The following PPP1R9A variants were observed in gnomAD, a reference collection of about 807,000 sequenced individuals.
PPP1R9A encodes neurabin-1.
PPP1R9A carries 59 observed loss-of-function variants against 141.9 expected under a neutral mutation model. The observed-to-expected ratio is 0.42, with a 90% CI of 0.34 to 0.52. The LOEUF (loss-of-function observed/expected upper bound fraction) is 0.52, where lower values mean the gene tolerates loss of function less well. Ranked by LOEUF, PPP1R9A falls within the 20% of genes least tolerant of loss-of-function variation. The pLI, the probability that PPP1R9A is intolerant of heterozygous loss-of-function variation, is 0.10. For synonymous variants in PPP1R9A, 500 were observed against 569.7 expected (o/e 0.88, Z 1.74); for missense variants, 1,444 against 1,611.9 (o/e 0.90, Z 1.78).
At chr7:94,990,020 C>A (rs919843790) in intron 2 of PPP1R9A, among the ~76,000 whole-genome samples, 3 of 151,906 alleles carry the variant, frequency 2.0e-5, no homozygotes, top group African/African-American at 7.3e-5. Context: ...AGTTGAAGAG[C>A]TTTTAATAGG....
intron 7 of PPP1R9A, among the ~76,000 whole-genome samples, chr7:95,214,847 A>G (rs925410457): frequency 2.0e-5 from 3 of 152,326 alleles, no homozygotes; most frequent in Non-Finnish European, 4.4e-5. Context: ...CAATGACCTG[A>G]CAAGGTGAGA....
intron 5 of PPP1R9A, among the ~76,000 whole-genome samples, chr7:95,181,779 T>C (rs1349171906): frequency 7.3e-6 from 1 of 137,432 alleles, no homozygotes; most frequent in Admixed American, 7.7e-5. Context: ...ATATATTCCG[T>C]CACATATATA....
At chr7:95,177,059 A>G (rs1585091357) in intron 5 of PPP1R9A, among the ~76,000 whole-genome samples, 1 of 152,156 alleles carries the variant, frequency 6.6e-6, no homozygotes, top group South Asian at 2.1e-4. Flanking sequence ...ACCCAGGCGC[A>G]TTGTCATCAG....
chr7:95,140,948 G>T (rs2152567241), intron 4 of PPP1R9A, among the ~76,000 whole-genome samples: 1 of 152,234 alleles, frequency 6.6e-6, no homozygotes, highest in South Asian at 2.1e-4. Flanking sequence ...TCGAACTCCT[G>T]GGCTTAAGCA....
At chr7:95,050,275 A>T (rs1396082637) in intron 2 of PPP1R9A, among the ~76,000 whole-genome samples, 1 of 152,208 alleles carries the variant, frequency 6.6e-6, no homozygotes, top group Non-Finnish European at 1.5e-5. Flanking sequence ...TACCATGTGT[A>T]TATCTTCATT....
intron 2 of PPP1R9A, among the ~76,000 whole-genome samples, chr7:95,031,743 G>C (rs970599351): frequency 6.7e-6 from 1 of 148,914 alleles, no homozygotes; most frequent in Non-Finnish European, 1.5e-5. Flanking sequence ...GCAAGAGAGT[G>C]AGATTTGGTG....
chr7:95,134,925 A>T (rs907686565), intron 4 of PPP1R9A, among the ~76,000 whole-genome samples: 27 of 152,242 alleles, frequency 1.8e-4, no homozygotes, highest in African/African-American at 5.8e-4. Context: ...TACTTTTTTT[A>T]AAAAACAGTA....
In PPP1R9A at chr7:95,203,063, C is replaced by G. The variant is rs189095484; in HGVS notation, c.1891-602C>G. ...TAATCATCACTCCAGAAACTGAAGCCCCTTCTATACTGAAGCCCCTAAAAT... is the reference window on the plus strand; with the variant it reads ...TAATCATCACTCCAGAAACTGAAGCGCCTTCTATACTGAAGCCCCTAAAAT... On this transcript the variant is annotated intron_variant, in intron 6 of 19. Coordinates refer to ENST00000433360, the MANE Select transcript of PPP1R9A (RefSeq NM_001166160.2). 8.1e-4 allele frequency among the ~76,000 whole-genome samples: 123 copies of G among 152,048 alleles called. 2 individuals are homozygous for G. The highest frequency in any genetic ancestry group is 6.8e-3 in the Middle Eastern group (2 of 292).
At chr7:95,120,487 C>CA (rs1822368849) in intron 3 of PPP1R9A, among the ~76,000 whole-genome samples, 1 of 152,162 alleles carries the variant, frequency 6.6e-6, no homozygotes, top group African/African-American at 2.4e-5. Context: ...CAGTGAATTA[C>CA]CAACAGTAGT....
At chr7:95,157,083 ATCTGCCCTCT>A (rs1046793115) in intron 4 of PPP1R9A, 5 of 152,512 alleles carry the variant, frequency 3.3e-5, no homozygotes, top group African/African-American at 7.2e-5. Context: ...TCTCTCAGGG[ATCTGCCCTCT>A]TCTGCCCAAG....
intron 2 of PPP1R9A, among the ~76,000 whole-genome samples, chr7:94,926,774 C>T (rs1022736815): frequency 2.6e-5 from 4 of 151,920 alleles, no homozygotes; most frequent in African/African-American, 9.7e-5. Context: ...GTTTTAATTC[C>T]ATAGCTAAGT....
chr7:94,974,323 G>A (rs1799191948), intron 2 of PPP1R9A, among the ~76,000 whole-genome samples: 1 of 152,154 alleles, frequency 6.6e-6, no homozygotes, highest in African/African-American at 2.4e-5. Context: ...GAGACACCAG[G>A]ATAATCATAG....
At chr7:95,187,139 C>T (rs1252561693) in intron 5 of PPP1R9A, among the ~76,000 whole-genome samples, 1 of 152,064 alleles carries the variant, frequency 6.6e-6, no homozygotes, top group Non-Finnish European at 1.5e-5. Flanking sequence ...CCTTCTGGTC[C>T]TGGACTTTTG....
chr7:94,946,181 AC>A (rs1322206920), intron 2 of PPP1R9A, among the ~76,000 whole-genome samples: 13 of 152,226 alleles, frequency 8.5e-5, no homozygotes, highest in African/African-American at 2.4e-4. Flanking sequence ...AGGTACCATT[AC>A]TTAAATAAGA....
chr7:95,006,288 G>A (rs1040191728), intron 2 of PPP1R9A, among the ~76,000 whole-genome samples: 2 of 151,662 alleles, frequency 1.3e-5, no homozygotes, highest in African/African-American at 4.8e-5. Context: ...CACAATCTCC[G>A]CTCACTATAA....
chr7:95,156,205 G>A (rs538910963), intron 4 of PPP1R9A: 20 of 152,622 alleles, frequency 1.3e-4, no homozygotes, highest in African/African-American at 4.3e-4. Flanking sequence ...GCAGTTACAG[G>A]TGCTGGCACA....
intron 16 of PPP1R9A, among the ~76,000 whole-genome samples, chr7:95,279,178 A>G (rs140143133): frequency 7.2e-5 from 11 of 152,358 alleles, no homozygotes; most frequent in African/African-American, 2.4e-4. Flanking sequence ...GCTGTACTTC[A>G]TAGGCTATTT....
At chr7:95,173,492 T>C (rs974285553) in intron 5 of PPP1R9A, among the ~76,000 whole-genome samples, 1 of 151,658 alleles carries the variant, frequency 6.6e-6, no homozygotes, top group Non-Finnish European at 1.5e-5. Context: ...AAGCAAAAAG[T>C]GTAAGAGGAA....
intron 2 of PPP1R9A, among the ~76,000 whole-genome samples, chr7:94,959,170 G>A (rs527242160): frequency 1.4e-3 from 214 of 151,706 alleles, no homozygotes; most frequent in African/African-American, 4.8e-3. Context: ...TTAGTTACTC[G>A]GTATTTAATA....
Sources: gnomAD v4.1 joint callset for allele counts (sites outside exome capture counted in the v4.1 genomes callset) on GRCh38, gnomAD v4.1.1 for gene constraint, MANE v1.5 for transcripts, NCBI Gene and HGNC (gene_info 2026-07-23, HGNC 2026-07-21) for gene names.